Variants in SETX observed in about 807,000 individuals in gnomAD.
SETX encodes helicase senataxin.
A neutral mutation model predicts 227.2 loss-of-function variants in SETX; 90 were observed. The observed-to-expected ratio is 0.40, with a 90% CI of 0.33 to 0.47. The LOEUF (loss-of-function observed/expected upper bound fraction) is 0.47, where lower values mean the gene tolerates loss of function less well. SETX is among the 20% of genes least tolerant of loss of function. The pLI is 0.91. For synonymous variants in SETX, 1,210 were observed against 1,113.2 expected (o/e 1.09, Z -1.73); for missense variants, 3,052 against 3,181.5 (o/e 0.96, Z 0.98).
At chr9:132,333,397 A>T (rs1023704085) in intron 7 of SETX, among the ~76,000 whole-genome samples, 1 of 39,000 alleles carries the variant, frequency 2.6e-5, no homozygotes, top group African/African-American at 1.1e-4. Flanking sequence ...AAAAAAAAAA[A>T]GAAAAAAAAA....
intron 10 of SETX, among the ~76,000 whole-genome samples, chr9:132,322,994 AAAAG>A (rs1165719486): frequency 6.6e-6 from 1 of 152,174 alleles, no homozygotes; most frequent in Non-Finnish European, 1.5e-5. Context: ...AAGGATAACA[AAAAG>A]AAAATGAGAT....
intron 11 of SETX, among the ~76,000 whole-genome samples, chr9:132,302,492 T>C (rs1260297884): frequency 6.7e-6 from 1 of 150,286 alleles, no homozygotes; most frequent in Non-Finnish European, 1.5e-5. Context: ...AAACCCCATC[T>C]CTACTAAAAA....
intron 22 of SETX, 58 bp downstream of exon 22, chr9:132,277,002 T>C (rs910840967): frequency 7.2e-7 from 1 of 1,395,068 alleles, no homozygotes; most frequent in East Asian, 2.3e-5. Context: ...GAAATATGAA[T>C]GCAAATCATG....
intron 15 of SETX, among the ~76,000 whole-genome samples, chr9:132,292,668 C>T (rs1589660176): frequency 7.4e-6 from 1 of 136,030 alleles, no homozygotes; most frequent in Non-Finnish European, 1.5e-5. Context: ...CTCGCTCTGT[C>T]ACCCAGGCTG....
Position 132,323,806 on chromosome 9 carries a change from G to A in SETX, c.5274+2518C>T, listed in dbSNP as rs116659330. Among the ~76,000 whole-genome samples the A allele has an allele frequency of 3.2e-3, 486 of 152,130 alleles. 4 individuals are homozygous for A. The highest frequency in any genetic ancestry group is 0.011 in the African/African-American group (462 of 41,486). ...TAGTCCCAGTTATTCAAGAGGCTGT[G>A]GTGGAAGGACTACCAGAGGCCAAGA... On this transcript the variant is annotated intron_variant, in intron 10 of 25. Transcript: ENST00000224140.
At chr9:132,354,433 T>C (rs1243290610) in intron 1 of SETX, among the ~76,000 whole-genome samples, 1 of 147,228 alleles carries the variant, frequency 6.8e-6, no homozygotes, top group Non-Finnish European at 1.5e-5. Flanking sequence ...GAAGACGAGG[T>C]TGCTGCGAGC....
rs900295105 is a variant in SETX at position 132,322,838 on chromosome 9, A to C, written c.5274+3486T>G. On this transcript the variant is annotated intron_variant, in intron 10 of 25. Coordinates refer to ENST00000224140, the MANE Select transcript of SETX (RefSeq NM_015046.7). ...GAGAAAAACTTTTAGCTAACTTTAA[A>C]ATTATCATAAACTTTAGCTAATAAA... 1.0e-4 allele frequency among the ~76,000 whole-genome samples: 14 copies of C among 139,340 alleles called. No individual in the cohort carries two copies. In the East Asian group the frequency reaches 4.6e-3, roughly 46 times the overall value. The allele number at this position is 139,340 out of a possible 152,430, so 91.4% of individuals were successfully genotyped here.
At chr9:132,355,351 CT>C (rs1220566025), upstream of SETX, among the ~76,000 whole-genome samples, 1 of 151,148 alleles carries the variant, frequency 6.6e-6, no homozygotes, top group African/African-American at 2.4e-5. Context: ...CTTTTTTCTT[CT>C]TTTTTCCACG....
chr9:132,350,296 G>A (rs1305562695), intron 2 of SETX, among the ~76,000 whole-genome samples: 6 of 152,128 alleles, frequency 3.9e-5, no homozygotes, highest in Non-Finnish European at 1.5e-5. Context: ...GTTGCAGTGA[G>A]CCAAGATTGC....
Position 132,266,771 on chromosome 9 carries a change from C to CA in SETX, c.7288-1787dup, listed in dbSNP as rs566822544. 4.2e-3 allele frequency among the ~76,000 whole-genome samples: 640 copies of CA among 150,590 alleles called. 5 individuals are homozygous for CA. The highest frequency in any genetic ancestry group is 4.0e-3 in the Non-Finnish European group (268 of 67,612). ...TGGGCAACAAGGTGAGGCTCTGTCT[C>CA]AAAAAAAAACCCCCAAAAAAACCTT... On this transcript the variant is annotated intron_variant, in intron 25 of 25. Coordinates refer to ENST00000224140, the MANE Select transcript of SETX (RefSeq NM_015046.7).
In SETX at chr9:132,330,106, T is replaced by C. The variant is rs779544809; in HGVS notation, c.1492A>G (p.Thr498Ala). Residue 498 changes from threonine (T) to alanine (A), a missense_variant, in exon 10 of 26, where the codon ACT becomes GCT. Physicochemically the swap from Thr to Ala is moderately conservative, Grantham distance 58. This residue lies in a region of SETX where 179 missense variants were observed against 197.1 expected (regional missense o/e 0.91). Transcript: ENST00000224140. ...AVVKCAKLPT[T>A]AFTRSSEKSS... is the part of the protein sequence containing the mutation. ...TTCTCAGAACTCCGTGTAAACGCAG[T>C]GGTAGGAAGCTTGGCACATTTGACG... 6.2e-6 allele frequency: 10 copies of C among 1,613,908 alleles called. No individual in the cohort carries two copies. Among genetic ancestry groups the C allele is most frequent in the Non-Finnish European group, 8.5e-6 (10 of 1,179,874 alleles).
intron 20 of SETX, 106 bp from the exon 21 acceptor site, chr9:132,278,363 G>C (rs1843291340): frequency 1.8e-6 from 2 of 1,089,584 alleles, no homozygotes; most frequent in Non-Finnish European, 2.7e-6. Flanking sequence ...CAACGTTCAG[G>C]TAGCATAAGA....
intron 20 of SETX, among the ~76,000 whole-genome samples, chr9:132,279,484 C>G (rs999359611): frequency 1.3e-5 from 2 of 152,144 alleles, no homozygotes; most frequent in African/African-American, 4.8e-5. Flanking sequence ...GAAAACTTCA[C>G]TAAGATGATG....
At chr9:132,309,031 G>A (rs1256524689) in intron 11 of SETX, among the ~76,000 whole-genome samples, 1 of 152,102 alleles carries the variant, frequency 6.6e-6, no homozygotes, top group African/African-American at 2.4e-5. Context: ...CTAGCTACTC[G>A]GGAGGTTGAG....
At chr9:132,314,378 C>T (rs547865355) in intron 10 of SETX, among the ~76,000 whole-genome samples, 40 of 152,298 alleles carry the variant, frequency 2.6e-4, no homozygotes, top group African/African-American at 8.9e-4. Flanking sequence ...CATGAGCCAC[C>T]GTGCCCGGCC....
rs1364452548 is a variant in SETX, at chr9:132,349,579, A to C, written c.-7-144T>G. On this transcript the variant is annotated intron_variant, in intron 2 of 25. Coordinates refer to ENST00000224140, the MANE Select transcript of SETX (RefSeq NM_015046.7). ...CAAATCTTCTGCTGGCTGGCTTATC[A>C]ATCACTGATTCACTAAACTAAAAAA... is the stretch of plus-strand genomic sequence containing the variant. 1.0e-5 allele frequency: 8 copies of C among 774,722 alleles called. No individual in the cohort carries two copies. The East Asian group carries it at 2.1e-4, about 21-fold the overall frequency. 48.0% of individuals were successfully genotyped at this position (774,722 alleles called of 1,614,324 possible).
chr9:132,339,445 C>G (rs508275), intron 5 of SETX, among the ~76,000 whole-genome samples: 102,492 of 152,052 alleles, frequency 0.67, 37,780 homozygotes, highest in Non-Finnish European at 0.83. Flanking sequence ...AGAGCAAGAC[C>G]CTGTCTCAAA....
In SETX at chr9:132,335,175, A is replaced by G. The variant is rs189049946; in HGVS notation, c.719-448T>C. On this transcript the variant is annotated intron_variant, in intron 6 of 25. Transcript: ENST00000224140. ...GGAGGCCAAGGCGGGCAGATCACAA[A>G]GTCAGGAGATCGAGACCATCCTGGC... is the stretch of plus-strand genomic sequence containing the variant. Among the ~76,000 whole-genome samples, 2,963 of 151,454 alleles carry G rather than the reference A, an allele frequency of 0.02. 148 individuals are homozygous for G. The East Asian group carries it at 0.2, about 10-fold the overall frequency.
chr9:132,327,089 A>G lies in SETX; in HGVS notation c.4509T>C (p.Pro1503=). ...EDNLFLTQND[P]EDMDLCSQME... ...TTTGTGAACATAAATCCATATCTTC[A>G]GGATCATTTTGGGTTAAAAATAAGT... is the stretch of plus-strand genomic sequence containing the variant. Residue 1503 remains proline (P), a synonymous_variant, in exon 10 of 26, where the codon CCT becomes CCC. Coordinates refer to ENST00000224140, the MANE Select transcript of SETX (RefSeq NM_015046.7). The G allele has an allele frequency of 6.2e-7, 1 of 1,614,210 alleles. No homozygotes were observed. The highest frequency in any genetic ancestry group is 8.5e-7 in the Non-Finnish European group (1 of 1,180,042).
Sources: gnomAD v4.1 joint callset for allele counts (sites outside exome capture counted in the v4.1 genomes callset) on GRCh38, gnomAD v4.1.1 for gene constraint, gnomAD v4.1.1 regional missense constraint, MANE v1.5 for transcripts, NCBI Gene and HGNC (gene_info 2026-07-23, HGNC 2026-07-21) for gene names.